RAB27A: variants seen among roughly 807,000 people sequenced by gnomAD.
The protein encoded by RAB27A is RAB27A, member RAS oncogene family.
Under a neutral mutation model 20.8 loss-of-function variants are expected in RAB27A, and 17 were observed. The ratio of observed to expected loss-of-function variants is 0.82; its 90% CI spans 0.56 to 1.23. The LOEUF is 1.23. RAB27A is among the 50% of genes most tolerant of loss of function. The pLI, the probability that RAB27A is intolerant of heterozygous loss-of-function variation, is 0.00. For missense variants in RAB27A, 277 were observed against 266.7 expected (o/e 1.04, Z -0.27); for synonymous variants, 85 against 92.8 (o/e 0.92, Z 0.48).
intron 6 of RAB27A, among the ~76,000 whole-genome samples, chr15:55,219,540 C>T (rs1895466932): frequency 6.6e-6 from 1 of 152,194 alleles, no homozygotes; most frequent in African/African-American, 2.4e-5. Flanking sequence ...TGGGCTCCAA[C>T]CCAGACCTAC....
chr15:55,242,742 T>A (rs1018384790), intron 2 of RAB27A, among the ~76,000 whole-genome samples: 34 of 152,282 alleles, frequency 2.2e-4, no homozygotes, highest in African/African-American at 7.9e-4. Context: ...ATGAGTTGTA[T>A]CTGGGTGATT....
chr15:55,284,114 T>C (rs1898088048), intron 1 of RAB27A, among the ~76,000 whole-genome samples: 1 of 152,220 alleles, frequency 6.6e-6, no homozygotes, highest in Non-Finnish European at 1.5e-5. Flanking sequence ...TTCTGAAATA[T>C]GGTATTCAAA....
intron 6 of RAB27A, among the ~76,000 whole-genome samples, chr15:55,208,552 G>GA (rs1308185590): frequency 1.3e-5 from 2 of 152,246 alleles, no homozygotes; most frequent in East Asian, 3.9e-4. Context: ...CATGACCCCA[G>GA]AAGTTAAAAC....
intron 6 of RAB27A, 125 bp downstream of exon 6, chr15:55,223,764 C>T (rs756132913): frequency 6.0e-6 from 7 of 1,171,580 alleles, no homozygotes; most frequent in Non-Finnish European, 8.8e-6. Context: ...ACACATTCAA[C>T]ATGCCCCAAG....
At position 55,205,282 on chromosome 15, in the gene RAB27A, G is replaced by A. The variant is rs1894586690; in HGVS notation, c.*225C>T. On this transcript the variant is annotated 3_prime_UTR_variant, in exon 7 of 7. Transcript: ENST00000336787. Reference sequence around the variant, plus strand: ...GGCTAAGGTTGTATAAGGCACTTTTGGCTCTGAAATATTTCTCCTAACTCT... The same window carrying A: ...GGCTAAGGTTGTATAAGGCACTTTTAGCTCTGAAATATTTCTCCTAACTCT... 6.8e-6 allele frequency: 4 copies of A among 588,142 alleles called. No homozygotes were observed. The East Asian group carries it at 1.2e-4, about 17-fold the overall frequency. The allele number at this position is 588,142 out of a possible 1,614,324, so 36.4% of individuals were successfully genotyped here. A position where few individuals can be genotyped will look rare whatever the true frequency, so the allele number is the denominator to read the frequency against.
chr15:55,307,694 G>C (rs555186655), intron 2 of RAB27A, among the ~76,000 whole-genome samples: 91 of 150,918 alleles, frequency 6.0e-4, no homozygotes, highest in Non-Finnish European at 2.7e-4. Context: ...CAGACTAGTA[G>C]ACACTGAAAT....
In RAB27A at chr15:55,245,904, G is replaced by C. The variant is rs538877678; in HGVS notation, c.-22-10948C>G. On this transcript the variant is annotated intron_variant, in intron 2 of 6. Transcript: ENST00000336787. The stretch of plus-strand genomic sequence containing the variant: ...GCAGGCAGATCACTTGAGGTCAGGA[G>C]TTCAAAACCAACATGGCAAAACCCT... 5.9e-5 allele frequency among the ~76,000 whole-genome samples: 9 copies of C among 152,184 alleles called. No individual in the cohort carries two copies. In the East Asian group the frequency reaches 1.5e-3, roughly 26 times the overall value.
intron 2 of RAB27A, among the ~76,000 whole-genome samples, chr15:55,306,186 T>C (rs1226388295): frequency 6.6e-6 from 1 of 151,978 alleles, no homozygotes; most frequent in African/African-American, 2.4e-5. Flanking sequence ...ACAGGTGAGG[T>C]TTGAGGTATG....
intron 1 of RAB27A, among the ~76,000 whole-genome samples, chr15:55,277,527 C>T (rs759604064): frequency 3.3e-4 from 50 of 152,134 alleles, no homozygotes; most frequent in Admixed American, 3.3e-4. Flanking sequence ...TTCCTTCTCC[C>T]TCCCCTCACC....
chr15:55,274,794 T>TTATATATATATATATATATATATATA (rs371945954), intron 1 of RAB27A, among the ~76,000 whole-genome samples: 8 of 52,154 alleles, frequency 1.5e-4, no homozygotes, highest in Admixed American at 2.4e-4. Flanking sequence ...AATAAATAAA[T>TTATATATATATATATATATATATATA]TATATATATA....
intron 6 of RAB27A, among the ~76,000 whole-genome samples, chr15:55,211,369 A>G (rs752664665): frequency 2.6e-5 from 4 of 152,044 alleles, no homozygotes; most frequent in Admixed American, 6.5e-5. Flanking sequence ...AACAATATTA[A>G]TTATTCCAGT....
At chr15:55,219,964 A>C (rs961668530) in intron 6 of RAB27A, among the ~76,000 whole-genome samples, 9 of 150,478 alleles carry the variant, frequency 6.0e-5, no homozygotes, top group African/African-American at 2.2e-4. Context: ...AACAACAACA[A>C]AAAAAAAAAC....
At chr15:55,311,740 C>T (rs1170778165) in intron 2 of RAB27A, among the ~76,000 whole-genome samples, 1 of 152,098 alleles carries the variant, frequency 6.6e-6, no homozygotes, top group African/African-American at 2.4e-5. Flanking sequence ...GGTGGTACTG[C>T]AGAAGAATAT....
chr15:55,241,612 A>ATGTG (rs1555395466), intron 2 of RAB27A, among the ~76,000 whole-genome samples: 36 of 129,022 alleles, frequency 2.8e-4, no homozygotes, highest in African/African-American at 1.5e-3. Context: ...ATATATATAT[A>ATGTG]TATATATATA....
At position 55,228,460 on chromosome 15, in the gene RAB27A, T is replaced by C. The variant is rs191818141; in HGVS notation, c.343+149A>G. 8.6e-5 allele frequency: 57 copies of C among 665,690 alleles called. No individual in the cohort carries two copies. In the Admixed American group the frequency reaches 1.3e-3, roughly 15 times the overall value. The allele number at this position is 665,690 out of a possible 1,614,324, so 41.2% of individuals were successfully genotyped here. On this transcript the variant is annotated intron_variant, in intron 5 of 6. Transcript: ENST00000336787. Reference sequence around the variant, plus strand: ...AGAAGCAGAGTATTTCAATTATCTTTGTCCCTAAACTAAAAACCTTGCTCC... The same window carrying C: ...AGAAGCAGAGTATTTCAATTATCTTCGTCCCTAAACTAAAAACCTTGCTCC...
At chr15:55,229,459 T>C (rs2140975558) in intron 4 of RAB27A, among the ~76,000 whole-genome samples, 1 of 152,312 alleles carries the variant, frequency 6.6e-6, no homozygotes, top group Middle Eastern at 3.4e-3. Flanking sequence ...GCAGATCACC[T>C]GAAGTCAGGA....
chr15:55,217,460 G>A (rs1210255138), intron 6 of RAB27A, among the ~76,000 whole-genome samples: 1 of 151,666 alleles, frequency 6.6e-6, no homozygotes, highest in Non-Finnish European at 1.5e-5. Flanking sequence ...AAAAGTTCAG[G>A]ATCAACCTGG....
At chr15:55,291,784 T>A (rs1003377746), upstream of RAB27A, among the ~76,000 whole-genome samples, 3 of 152,050 alleles carry the variant, frequency 2.0e-5, no homozygotes, top group Admixed American at 6.6e-5. Flanking sequence ...ATTCACTCAT[T>A]CATCAAGTCA....
chr15:55,215,562 G>A (rs1032014988), intron 6 of RAB27A, among the ~76,000 whole-genome samples: 1 of 148,960 alleles, frequency 6.7e-6, no homozygotes, highest in African/African-American at 2.5e-5. Flanking sequence ...TGAGGCAGGA[G>A]AATGGCGTGA....
Sources: gnomAD v4.1 joint callset for allele counts (sites outside exome capture counted in the v4.1 genomes callset) on GRCh38, gnomAD v4.1.1 for gene constraint, MANE v1.5 for transcripts, NCBI Gene and HGNC (gene_info 2026-07-23, HGNC 2026-07-21) for gene names.